Variants in ATG3 observed in about 807,000 individuals in gnomAD.
The protein encoded by ATG3 is ubiquitin-like-conjugating enzyme ATG3.
A neutral mutation model predicts 50.7 loss-of-function variants in ATG3; 25 were observed. The observed-to-expected ratio is 0.49, with a 90% confidence interval of 0.36 to 0.69. The LOEUF (loss-of-function observed/expected upper bound fraction) is 0.69, where lower values mean the gene tolerates loss of function less well. Among genes scored for constraint, ATG3 ranks in the 30% least tolerant of loss-of-function variants. The pLI is 0.00. For synonymous variants in ATG3, 119 were observed against 125.5 expected (o/e 0.95, Z 0.34); for missense variants, 281 against 376.0 (o/e 0.75, Z 2.09).
In ATG3 at chr3:112,537,760, C is replaced by T. The variant is rs1204944842; in HGVS notation, c.641G>A (p.Arg214Gln). Residue 214 changes from arginine (R) to glutamine (Q), a missense_variant, in exon 9 of 12, where the codon CGA becomes CAA. Arg to Gln is a conservative substitution (Grantham distance 43). Around this residue, in one of 3 missense-constraint regions of ATG3, gnomAD observed 242 missense variants for 305.0 expected, o/e 0.79. Coordinates refer to ENST00000283290, the MANE Select transcript of ATG3 (RefSeq NM_022488.5). Reference protein sequence around the residue: ...ITYDKYYQTPRLWLFGYDEQR... With the variant: ...ITYDKYYQTPQLWLFGYDEQR... ...CTCATCATAGCCAAACAACCATAAT[C>T]GTGGAGTCTGGTAATATTTATCATA... The T allele has an allele frequency of 6.3e-7, 1 of 1,592,684 alleles. No homozygotes were observed. The highest frequency in any genetic ancestry group is 2.2e-5 in the East Asian group (1 of 44,458).
intron 5 of ATG3, among the ~76,000 whole-genome samples, chr3:112,547,419 T>A (rs1933398807): frequency 6.6e-6 from 1 of 152,096 alleles, no homozygotes; most frequent in Non-Finnish European, 1.5e-5. Flanking sequence ...AAACCCTGTT[T>A]TATTACTACT....
At chr3:112,537,705 A>G (rs760372951) in intron 9 of ATG3, 30 bp downstream of exon 9, 1 of 1,466,816 alleles carries the variant, frequency 6.8e-7, no homozygotes, top group Non-Finnish European at 9.1e-7. Flanking sequence ...TAAAATATTG[A>G]TATTAAAATA....
At chr3:112,536,899 C>T (rs537326559) in intron 9 of ATG3, 4 of 125,714 alleles carry the variant, frequency 3.2e-5, no homozygotes, top group East Asian at 2.2e-4. Flanking sequence ...CCAGCCTGGG[C>T]GACAGAGCGA....
chr3:112,548,451 C>T, intron 5 of ATG3, 82 bp downstream of exon 5: 1 of 1,236,606 alleles, frequency 8.1e-7, no homozygotes, highest in Non-Finnish European at 1.2e-6. Context: ...TATGTATCCT[C>T]TTTTTTAAAT....
intron 1 of ATG3, among the ~76,000 whole-genome samples, chr3:112,561,210 CAG>C (rs777971925): frequency 2.5e-4 from 38 of 152,342 alleles, no homozygotes; most frequent in East Asian, 5.8e-4. Flanking sequence ...CCCGACCGCG[CAG>C]AGTTATGACG....
At chr3:112,541,662 T>C (rs1933231295) in intron 7 of ATG3, 141 bp downstream of exon 7, 3 of 660,674 alleles carry the variant, frequency 4.5e-6, no homozygotes, top group East Asian at 2.7e-5. Flanking sequence ...ATGAAATTTA[T>C]GAACTAAACA....
chr3:112,551,004 A>G (rs1293629592), intron 3 of ATG3, among the ~76,000 whole-genome samples: 3 of 152,210 alleles, frequency 2.0e-5, no homozygotes, highest in African/African-American at 7.2e-5. Context: ...AAGCCAAGTG[A>G]CTTCAGGGCT....
At chr3:112,538,980 T>C (rs1483004748) in intron 7 of ATG3, among the ~76,000 whole-genome samples, 1 of 152,210 alleles carries the variant, frequency 6.6e-6, no homozygotes, top group East Asian at 1.9e-4. Context: ...GTCAAAAACC[T>C]TGGAGTCACC....
chr3:112,535,083 T>C (rs143745689), intron 10 of ATG3: 101 of 152,206 alleles, frequency 6.6e-4, no homozygotes, highest in African/African-American at 2.2e-3. Context: ...TCCTGTACTA[T>C]AGAAAAGAGT....
intron 10 of ATG3, 53 bp downstream of exon 10, chr3:112,536,422 C>T: frequency 6.3e-7 from 1 of 1,589,328 alleles, no homozygotes. Context: ...AGTAATAAAT[C>T]CATGAAATAT....
At chr3:112,536,761 A>G in intron 9 of ATG3, 159 bp from the exon 10 acceptor site, 1 of 636,064 alleles carries the variant, frequency 1.6e-6, no homozygotes, top group Non-Finnish European at 2.5e-6. Context: ...CTCTACTAAG[A>G]ATATAAAAAA....
chr3:112,534,326 A>G lies in ATG3; in HGVS notation c.806T>C (p.Val269Ala). The G allele has an allele frequency of 1.3e-6, 2 of 1,536,464 alleles. No homozygotes were observed. ...CSVHPCRHAEVMKKIIETVAE... is the reference protein window; with the variant it reads ...CSVHPCRHAEAMKKIIETVAE... ...AACAGTCTCAATGATTTTCTTCATC[A>G]CCTCAGCATGCCTAGAAGCCAAAAA... Residue 269 changes from valine to alanine, a missense_variant, in exon 11 of 12, where the codon GTG (valine) becomes GCG (alanine). Physicochemically the swap from Val to Ala is moderately conservative, Grantham distance 64. Around this residue, in one of 3 missense-constraint regions of ATG3, gnomAD observed 242 missense variants for 305.0 expected, o/e 0.79. Transcript: ENST00000283290.
At chr3:112,534,434 C>G (rs1932967599) in intron 10 of ATG3, 97 bp from the exon 11 acceptor site, 13 of 868,602 alleles carry the variant, frequency 1.5e-5, no homozygotes, top group Non-Finnish European at 2.1e-5. Context: ...CCCTATTACT[C>G]TCAGTGAATT....
At chr3:112,551,768 T>G (rs113177893) in intron 3 of ATG3, among the ~76,000 whole-genome samples, 1 of 152,048 alleles carries the variant, frequency 6.6e-6, no homozygotes, top group Non-Finnish European at 1.5e-5. Context: ...ATATAAATTA[T>G]AGACCAGAAC....
intron 2 of ATG3, among the ~76,000 whole-genome samples, chr3:112,553,691 TACAAAAATGTAGAC>T (rs1207877203): frequency 6.6e-6 from 1 of 152,148 alleles, no homozygotes. Context: ...ATTTTAAGGA[TACAAAAATGTAGAC>T]ACATTCTTGC....
chr3:112,538,426 G>A, intron 7 of ATG3: 1 of 404,110 alleles, frequency 2.5e-6, no homozygotes, highest in East Asian at 4.4e-5. Context: ...GCTCCACAGT[G>A]TACACAAGCC....
Position 112,550,272 on chromosome 3 carries a change from C to T in ATG3, c.165-10G>A. 6.2e-7 allele frequency: 1 copy of T among 1,601,380 alleles called. No homozygotes were observed. The highest frequency in any genetic ancestry group is 8.5e-7 in the Non-Finnish European group (1 of 1,171,252). On this transcript the variant is annotated splice_polypyrimidine_tract_variant and intron_variant, in intron 3 of 11. Transcript: ENST00000283290. The stretch of plus-strand genomic sequence containing the variant: ...TTCTTCCCCTGTAGCCCTTTAAAAA[C>T]AGTGAAAAGCACCAAAATACAAAAC...
At chr3:112,536,384 G>C in intron 10 of ATG3, 91 bp downstream of exon 10, 3 of 1,486,838 alleles carry the variant, frequency 2.0e-6, no homozygotes, top group Non-Finnish European at 2.8e-6. Context: ...ATTTTTTTCT[G>C]TTAGGGTTCT....
In ATG3 at chr3:112,532,756, A is replaced by G; in HGVS notation, c.888T>C (p.Phe296=). Residue 296 remains phenylalanine (F), a synonymous_variant, in exon 12 of 12, where the codon TTT becomes TTC. Transcript: ENST00000283290. ...VHMYLLIFLK[F]VQAVIPTIEY... ...CTATTGTTGGAATGACAGCTTGTAC[A>G]AATTTCAAGAAAATAAGAAGATACC... is the stretch of plus-strand genomic sequence containing the variant. 6.3e-7 allele frequency: 1 copy of G among 1,598,596 alleles called. No individual in the cohort carries two copies. The highest frequency in any genetic ancestry group is 1.3e-5 in the African/African-American group (1 of 74,548).
Sources: allele counts gnomAD v4.1 joint callset (sites outside exome capture counted in the v4.1 genomes callset), GRCh38; gene constraint gnomAD v4.1.1; regional missense constraint gnomAD v4.1.1; transcripts MANE v1.5; gene names NCBI Gene and HGNC (gene_info 2026-07-23, HGNC 2026-07-21).